Variants in KIF6 observed in about 807,000 individuals in gnomAD.
KIF6 encodes kinesin-like protein KIF6.
Under a neutral mutation model 112.7 loss-of-function variants are expected in KIF6, and 106 were observed. That is an observed-to-expected ratio of 0.94 (90% CI 0.80 to 1.11). The LOEUF is 1.11. Among genes scored for constraint, KIF6 ranks in the 50% least tolerant of loss-of-function variants. The pLI is 0.00. For missense variants in KIF6, 929 were observed against 964.0 expected (o/e 0.96, Z 0.48); for synonymous variants, 339 against 339.9 (o/e 1.00, Z 0.03).
chr6:39,613,638 T>C (rs1783343578), intron 5 of KIF6, among the ~76,000 whole-genome samples: 1 of 152,218 alleles, frequency 6.6e-6, no homozygotes, highest in Non-Finnish European at 1.5e-5. Flanking sequence ...ATTTTCTATC[T>C]GCATATCAGG....
At chr6:39,607,973 G>A (rs898233681) in intron 6 of KIF6, among the ~76,000 whole-genome samples, 2 of 122,862 alleles carry the variant, frequency 1.6e-5, no homozygotes, top group African/African-American at 8.6e-5. Context: ...TTAAAGTTGT[G>A]TTAACAAACA....
intron 13 of KIF6, among the ~76,000 whole-genome samples, chr6:39,437,489 T>A (rs370982314): frequency 3.3e-5 from 5 of 152,254 alleles, no homozygotes; most frequent in African/African-American, 1.2e-4. Context: ...GTGCTTTAGA[T>A]GCTTAACGTC....
chr6:39,714,871 A>G, intron 2 of KIF6, 105 bp from the exon 3 acceptor site: 1 of 745,322 alleles, frequency 1.3e-6, no homozygotes, highest in Middle Eastern at 2.8e-4. Context: ...CCATATTTAC[A>G]TCACTGGGCT....
intron 13 of KIF6, among the ~76,000 whole-genome samples, chr6:39,464,764 T>C (rs1773689745): frequency 6.6e-6 from 1 of 152,160 alleles, no homozygotes. Context: ...CTCTTGACTA[T>C]GAGAGATCAG....
chr6:39,529,524 T>C (rs1194077453), intron 13 of KIF6, among the ~76,000 whole-genome samples: 2 of 152,148 alleles, frequency 1.3e-5, no homozygotes, highest in African/African-American at 2.4e-5. Context: ...CAGTGGCTCA[T>C]GCCTGTAATC....
chr6:39,409,694 C>A (rs1769342167), intron 15 of KIF6, among the ~76,000 whole-genome samples: 1 of 152,188 alleles, frequency 6.6e-6, no homozygotes, highest in African/African-American at 2.4e-5. Flanking sequence ...GAAGCCAGCA[C>A]CAAACTGAGG....
At chr6:39,505,390 T>C (rs1209366908) in intron 13 of KIF6, among the ~76,000 whole-genome samples, 1 of 152,068 alleles carries the variant, frequency 6.6e-6, no homozygotes, top group Non-Finnish European at 1.5e-5. Flanking sequence ...CCCAGAACTA[T>C]AAAAACCCTA....
At chr6:39,522,330 G>C (rs903242991) in intron 13 of KIF6, among the ~76,000 whole-genome samples, 2 of 152,156 alleles carry the variant, frequency 1.3e-5, no homozygotes, top group Non-Finnish European at 2.9e-5. Context: ...AGGGTGCCCT[G>C]TGTATATTGG....
chr6:39,540,099 C>T lies in KIF6; in HGVS notation c.1549G>A (p.Glu517Lys). The T allele has an allele frequency of 5.6e-6, 9 of 1,614,130 alleles. No individual in the cohort carries two copies. The highest frequency in any genetic ancestry group is 6.8e-6 in the Non-Finnish European group (8 of 1,180,002). The change falls in exon 13 of 23, where the codon GAA (glutamate) becomes AAA (lysine). Residue 517 changes from glutamate to lysine, a missense_variant. Physicochemically the swap from Glu to Lys is moderately conservative, Grantham distance 56. This residue lies in a region of KIF6 where 688 missense variants were observed against 662.7 expected (regional missense o/e 1.04). Transcript: ENST00000287152. ...GATAGTCGCATTCTTTGACCTTCTT[C>T]TGGGTTTCCTAGGCGGAAGGGTGGG... ...QSPPFRLGNP[E>K]EGQRMRLSSA... is the part of the protein sequence containing the mutation.
rs1562108009 is a variant in KIF6 at position 39,342,620 on chromosome 6, TATTTTTTTTTA to T, written c.2428+1078_2428+1088del. Among the ~76,000 whole-genome samples the T allele has an allele frequency of 5.0e-4, 61 of 122,234 alleles. 4 individuals carry two copies. The highest frequency in any genetic ancestry group is 3.1e-3 in the South Asian group (13 of 4,240). 80.2% of individuals were successfully genotyped at this position (122,234 alleles called of 152,430 possible). A position where few individuals can be genotyped will look rare whatever the true frequency, so the allele number is the denominator to read the frequency against. On this transcript the variant is annotated intron_variant, in intron 22 of 22. Transcript: ENST00000287152. This position sits in a 1 kb window ranked among gnomAD's most constrained non-coding sequence, Gnocchi z 4.7. ...TTTTTTATTTTTTTTTATTTTTTTT[TATTTTTTTTTA>T]TTTTTAGACAAGGAAACTGAGAATG...
Position 39,543,055 on chromosome 6 carries a change from C to T in KIF6, c.1426+1500G>A, listed in dbSNP as rs141369436. Reference sequence around the variant, plus strand: ...GAAGGAGGGGAGGTGATGGATATCTCTCTTTCACTCTCTTTTAAAAATAAA... The same window carrying T: ...GAAGGAGGGGAGGTGATGGATATCTTTCTTTCACTCTCTTTTAAAAATAAA... On this transcript the variant is annotated intron_variant, in intron 12 of 22. Coordinates refer to ENST00000287152, the MANE Select transcript of KIF6 (RefSeq NM_145027.6). Among the ~76,000 whole-genome samples the T allele has an allele frequency of 2.6e-3, 391 of 152,292 alleles. 4 individuals are homozygous for T. The highest frequency in any genetic ancestry group is 8.7e-3 in the African/African-American group (363 of 41,556).
chr6:39,391,543 C>T (rs1187547637), intron 15 of KIF6, among the ~76,000 whole-genome samples: 1 of 152,164 alleles, frequency 6.6e-6, no homozygotes, highest in Non-Finnish European at 1.5e-5. Flanking sequence ...GCAGTCACTC[C>T]AAATTGTCTT....
intron 11 of KIF6, among the ~76,000 whole-genome samples, chr6:39,544,906 C>T (rs915062999): frequency 6.6e-6 from 1 of 152,138 alleles, no homozygotes; most frequent in Non-Finnish European, 1.5e-5. Flanking sequence ...CCTCAACCCT[C>T]TCTCCCCATC....
At chr6:39,361,558 C>CAA (rs1242586612) in intron 17 of KIF6, among the ~76,000 whole-genome samples, 158 of 43,964 alleles carry the variant, frequency 3.6e-3, no homozygotes, top group Non-Finnish European at 4.0e-3. Context: ...GGCTCCATCT[C>CAA]AAAAAAAAAA....
At chr6:39,366,572 A>C (rs1765569074) in intron 16 of KIF6, among the ~76,000 whole-genome samples, 1 of 152,146 alleles carries the variant, frequency 6.6e-6, no homozygotes, top group African/African-American at 2.4e-5. Flanking sequence ...AGGGTGGGTG[A>C]GGGCCTCTAA....
chr6:39,433,030 G>A (rs1211042967), intron 13 of KIF6, among the ~76,000 whole-genome samples: 1 of 152,174 alleles, frequency 6.6e-6, no homozygotes, highest in Non-Finnish European at 1.5e-5. Flanking sequence ...CTGCAGGGAA[G>A]AAGGGTTCAC....
intron 13 of KIF6, among the ~76,000 whole-genome samples, chr6:39,472,622 A>G (rs1774182700): frequency 6.6e-6 from 1 of 152,150 alleles, no homozygotes; most frequent in South Asian, 2.1e-4. Flanking sequence ...ACGAATATAA[A>G]AACATATTCC....
chr6:39,382,971 T>TTTTTTTTTTTTTTTTTTTTTGAGACG (rs1562157109), intron 16 of KIF6, among the ~76,000 whole-genome samples: 44 of 147,620 alleles, frequency 3.0e-4, no homozygotes, highest in African/African-American at 1.1e-3. Flanking sequence ...TGTCTTCTTT[T>TTTTTTTTTTTTTTTTTTTTTGAGACG]GAGAAGTGTC....
At chr6:39,513,220 C>T (rs1395878289) in intron 13 of KIF6, among the ~76,000 whole-genome samples, 1 of 152,182 alleles carries the variant, frequency 6.6e-6, no homozygotes, top group Non-Finnish European at 1.5e-5. Context: ...GGCTAGCTAG[C>T]CTGCAGCTAG....
Sources: allele counts gnomAD v4.1 joint callset (sites outside exome capture counted in the v4.1 genomes callset), GRCh38; gene constraint gnomAD v4.1.1; regional missense constraint gnomAD v4.1.1; non-coding constraint Gnocchi (gnomAD v3.1); transcripts MANE v1.5; gene names NCBI Gene and HGNC (gene_info 2026-07-23, HGNC 2026-07-21).